The following SIK2 variants were observed in gnomAD, a reference collection of about 807,000 sequenced individuals.
The protein encoded by SIK2 is salt inducible kinase 2, also known as serine/threonine-protein kinase SIK2.
In SIK2, 29 loss-of-function variants were observed where a neutral mutation model predicts 103.2. The ratio of observed to expected loss-of-function variants is 0.28; its 90% CI spans 0.21 to 0.38. The LOEUF (loss-of-function observed/expected upper bound fraction) is 0.38, where lower values mean the gene tolerates loss of function less well. Among genes scored for constraint, SIK2 ranks in the 10% least tolerant of loss-of-function variants. SIK2 has a pLI of 1.00. For synonymous variants in SIK2, 412 were observed against 446.1 expected (o/e 0.92, Z 0.96); for missense variants, 879 against 1,171.0 (o/e 0.75, Z 3.64).
intron 3 of SIK2, among the ~76,000 whole-genome samples, chr11:111,630,756 A>G (rs982963764): frequency 4.6e-5 from 7 of 152,164 alleles, no homozygotes; most frequent in Non-Finnish European, 8.8e-5. Context: ...AGAGATCACC[A>G]GTCACTTCAA....
At chr11:111,637,933 G>T (rs555672958) in intron 3 of SIK2, among the ~76,000 whole-genome samples, 47 of 152,160 alleles carry the variant, frequency 3.1e-4, no homozygotes, top group African/African-American at 1.1e-3. Context: ...TTACGTGTTA[G>T]AGTTTATTTA....
At chr11:111,665,751 G>A (rs12289331) in intron 3 of SIK2, among the ~76,000 whole-genome samples, 2 of 151,794 alleles carry the variant, frequency 1.3e-5, no homozygotes, top group Middle Eastern at 3.2e-3. Flanking sequence ...ACTTGAACCC[G>A]GGAGGCAGAG....
chr11:111,724,117 C>G lies in SIK2; in HGVS notation c.2769C>G (p.Val923=). ...TGGATCCACAACACAACGGGTATGT[C>G]CTGGTGAATTAGTCTCAGCACAGGA... ...DAVDPQHNGY[V]LVN The change falls in exon 15 of 15, where the codon GTC becomes GTG. Residue 923 remains valine, a synonymous_variant. Coordinates refer to ENST00000304987, the MANE Select transcript of SIK2 (RefSeq NM_015191.3). 6.2e-7 allele frequency: 1 copy of G among 1,609,702 alleles called. No individual in the cohort carries two copies.
intron 9 of SIK2, among the ~76,000 whole-genome samples, chr11:111,718,148 G>C (rs539653875): frequency 1.3e-5 from 2 of 152,286 alleles, no homozygotes; most frequent in African/African-American, 4.8e-5. Flanking sequence ...GACGGAGGCC[G>C]TAAGTGTAAG....
intron 9 of SIK2, among the ~76,000 whole-genome samples, chr11:111,713,297 A>G (rs771385661): frequency 2.6e-5 from 4 of 152,238 alleles, no homozygotes; most frequent in Non-Finnish European, 5.9e-5. Flanking sequence ...TATACTTAGC[A>G]TAAGCGATGT....
chr11:111,615,137 TC>T (rs1244728481), intron 1 of SIK2, among the ~76,000 whole-genome samples: 4 of 160 alleles, frequency 0.025, no homozygotes, highest in Admixed American at 0.19. Flanking sequence ...AGACTCTGTA[TC>T]AAATAAATAA....
At chr11:111,627,034 C>T (rs970914130) in intron 3 of SIK2, among the ~76,000 whole-genome samples, 7 of 151,954 alleles carry the variant, frequency 4.6e-5, no homozygotes, top group South Asian at 4.2e-4. Context: ...ACTAAGAAGG[C>T]GGGAGGCACA....
At chr11:111,625,101 G>A (rs898173131) in intron 3 of SIK2, among the ~76,000 whole-genome samples, 1 of 152,156 alleles carries the variant, frequency 6.6e-6, no homozygotes, top group Admixed American at 6.5e-5. Context: ...AGAGGCAGGA[G>A]TAGGGCAGAT....
chr11:111,610,744 G>C (rs923963231), intron 1 of SIK2, among the ~76,000 whole-genome samples: 2 of 152,016 alleles, frequency 1.3e-5, no homozygotes, highest in African/African-American at 4.8e-5. Context: ...TTGAAAATGA[G>C]AAAATGAAAA....
In SIK2 at chr11:111,677,634, CGCCAG is replaced by C. The variant is rs547895446; in HGVS notation, c.317-10364_317-10360del. Among the ~76,000 whole-genome samples, 21 of 105,968 alleles carry C rather than the reference CGCCAG, an allele frequency of 2.0e-4. No individual in the cohort carries two copies. In the South Asian group the frequency reaches 5.9e-3, roughly 30 times the overall value. 69.5% of individuals were successfully genotyped at this position (105,968 alleles called of 152,430 possible). On this transcript the variant is annotated intron_variant, in intron 3 of 14. Transcript: ENST00000304987. ...GGTATTTTTGGTAGAGACAGGGTTT[CGCCAG>C]GCTAGTCTCGAACCCCTGACCTCCA...
In SIK2 at chr11:111,602,928, A is replaced by G. The variant is rs1941603209; in HGVS notation, c.135+230A>G. On this transcript the variant is annotated intron_variant, in intron 1 of 14. Transcript: ENST00000304987. The surrounding 1 kb of genome is among the most constrained non-coding windows in gnomAD (Gnocchi z 4.5). ...CGAGTGTCGTCCGACTGGAAACGCA[A>G]CCAGCCGGGGCTTTGCTTTCCCCTA... 6.6e-6 allele frequency among the ~76,000 whole-genome samples: 1 copy of G among 151,976 alleles called. No individual in the cohort carries two copies. Among genetic ancestry groups the G allele is most frequent in the Non-Finnish European group, 1.5e-5 (1 of 67,960 alleles).
chr11:111,720,842 G>A, intron 11 of SIK2, 57 bp from the exon 12 acceptor site: 1 of 1,590,888 alleles, frequency 6.3e-7, no homozygotes, highest in Non-Finnish European at 8.6e-7. Flanking sequence ...GTCACCTGTG[G>A]TCACTGAAAG....
At chr11:111,648,506 A>G (rs943698125) in intron 3 of SIK2, among the ~76,000 whole-genome samples, 2 of 152,122 alleles carry the variant, frequency 1.3e-5, no homozygotes, top group African/African-American at 2.4e-5. Flanking sequence ...CCCAAAGGCC[A>G]CACCTCCTAA....
In SIK2 at chr11:111,688,959, G is replaced by A. The variant is rs149906447; in HGVS notation, c.478+797G>A. The stretch of plus-strand genomic sequence containing the variant: ...TTTTAAAAGTATATACAAACTGCAT[G>A]GGAGTATAGGTGAGGGAACAAGCAG... On this transcript the variant is annotated intron_variant, in intron 4 of 14. Transcript: ENST00000304987. The surrounding 1 kb of genome is among the most constrained non-coding windows in gnomAD (Gnocchi z 4.2). 5.0e-3 allele frequency among the ~76,000 whole-genome samples: 755 copies of A among 152,274 alleles called. 7 individuals are homozygous for A. Among genetic ancestry groups the A allele is most frequent in the African/African-American group, 0.017 (698 of 41,542 alleles).
chr11:111,644,401 G>A (rs1942228036), intron 3 of SIK2, among the ~76,000 whole-genome samples: 1 of 151,556 alleles, frequency 6.6e-6, no homozygotes, highest in African/African-American at 2.4e-5. Context: ...TAAAAAAAAA[G>A]GTTTTTTTCA....
In SIK2 at chr11:111,665,553, G is replaced by A. The variant is rs370125188; in HGVS notation, c.317-22448G>A. 1.3e-4 allele frequency among the ~76,000 whole-genome samples: 20 copies of A among 152,142 alleles called. No individual in the cohort carries two copies. The South Asian group carries it at 4.2e-3, about 32-fold the overall frequency. ...AAAAGAAATATCGGGGCTGGGCGTGGTGGCTCACGCCTGTAATCCCATCAC... is the reference window on the plus strand; with the variant it reads ...AAAAGAAATATCGGGGCTGGGCGTGATGGCTCACGCCTGTAATCCCATCAC... On this transcript the variant is annotated intron_variant, in intron 3 of 14. Coordinates refer to ENST00000304987, the MANE Select transcript of SIK2 (RefSeq NM_015191.3).
chr11:111,681,111 CAAA>C (rs1942772087), intron 3 of SIK2, among the ~76,000 whole-genome samples: 1 of 152,152 alleles, frequency 6.6e-6, no homozygotes, highest in Non-Finnish European at 1.5e-5. Flanking sequence ...GTTGAAATGT[CAAA>C]TATCATTGGC....
At chr11:111,625,303 A>G (rs990015905) in intron 3 of SIK2, among the ~76,000 whole-genome samples, 2 of 152,180 alleles carry the variant, frequency 1.3e-5, no homozygotes, top group African/African-American at 4.8e-5. Context: ...CTGTTGGAGT[A>G]GTTCCAGTGA....
At chr11:111,620,484 G>T in intron 3 of SIK2, 82 bp downstream of exon 3, 1 of 876,524 alleles carries the variant, frequency 1.1e-6, no homozygotes. Context: ...TTAATTTTCT[G>T]CTTATTTAAG....
Sources: allele counts gnomAD v4.1 joint callset (sites outside exome capture counted in the v4.1 genomes callset), GRCh38; gene constraint gnomAD v4.1.1; non-coding constraint Gnocchi (gnomAD v3.1); transcripts MANE v1.5; gene names NCBI Gene and HGNC (gene_info 2026-07-23, HGNC 2026-07-21).